The following POF1B variants were observed in gnomAD, a reference collection of about 807,000 sequenced individuals.
The protein encoded by POF1B is protein POF1B.
POF1B carries 53 observed loss-of-function variants against 55.3 expected under a neutral mutation model. The ratio of observed to expected loss-of-function variants is 0.96; its 90% CI spans 0.77 to 1.20. The LOEUF (loss-of-function observed/expected upper bound fraction) is 1.20. POF1B is among the 50% of genes most tolerant of loss of function. The pLI is 0.00. For synonymous variants in POF1B, 188 were observed against 148.3 expected (o/e 1.27, Z -1.95); for missense variants, 478 against 420.5 (o/e 1.14, Z -1.20).
chrX:85,310,948 A>G (rs1003835194), intron 9 of POF1B, among the ~76,000 whole-genome samples: 1 of 112,076 alleles, frequency 8.9e-6, no homozygotes, highest in African/African-American at 3.2e-5. Flanking sequence ...TTTAAGTACT[A>G]AAAGAAAATA....
chrX:85,296,101 A>G (rs56086918), intron 15 of POF1B, among the ~76,000 whole-genome samples: 24,080 of 111,247 alleles, frequency 0.22, 2,471 homozygotes, highest in African/African-American at 0.4. Context: ...ATCTTTCTCT[A>G]TCCCTTTACT....
intron 7 of POF1B, among the ~76,000 whole-genome samples, chrX:85,317,883 G>A (rs1452617098): frequency 9.0e-6 from 1 of 111,371 alleles, no homozygotes; most frequent in East Asian, 2.8e-4. Flanking sequence ...GGAATACTAC[G>A]TACCCATAAA....
chrX:85,304,422 C>T lies in POF1B; in HGVS notation c.1487G>A (p.Cys496Tyr), dbSNP rs1289132343. The change falls in exon 14 of 17, where the codon TGT becomes TAT. Residue 496 changes from cysteine (C) to tyrosine (Y), a missense_variant. By Grantham distance (194) the Cys-to-Tyr change is radical. Transcript: ENST00000262753. ...ATGAAGCTTAAATTGGAAGTCACTACAACTTCCTTCTCTCTTTGAAACATC... is the reference window on the plus strand; with the variant it reads ...ATGAAGCTTAAATTGGAAGTCACTATAACTTCCTTCTCTCTTTGAAACATC... ...HKDVSKREGS[C>Y]SDFQFKLHEL... The T allele has an allele frequency of 1.8e-5, 21 of 1,190,301 alleles. No individual in the cohort carries two copies. Among genetic ancestry groups the T allele is most frequent in the Non-Finnish European group, 2.4e-5 (21 of 881,769 alleles).
Position 85,379,308 on chromosome X carries a change from A to G in POF1B, c.147T>C (p.Tyr49=). Reference sequence around the variant, plus strand: ...GCCCACTGTAGGTCCTCACTCGCTCATACACTACATTTTTTTCTGGAGGCT... The same window carrying G: ...GCCCACTGTAGGTCCTCACTCGCTCGTACACTACATTTTTTTCTGGAGGCT... ...AQQPPEKNVV[Y]ERVRTYSGPM... The change falls in exon 2 of 17, where the codon TAT becomes TAC. Residue 49 remains tyrosine (Y), a synonymous_variant. Coordinates refer to ENST00000262753, the MANE Select transcript of POF1B (RefSeq NM_024921.4). 1 of 1,210,492 alleles carries G rather than the reference A, an allele frequency of 8.3e-7. No individual in the cohort carries two copies. The highest frequency in any genetic ancestry group is 1.1e-6 in the Non-Finnish European group (1 of 895,285).
At chrX:85,379,577 C>G (rs1217729033) in intron 1 of POF1B, 62 bp downstream of exon 1, 5 of 727,067 alleles carry the variant, frequency 6.9e-6, no homozygotes, top group Non-Finnish European at 9.8e-6. Context: ...ACACGACACA[C>G]GTGTGGAAAC....
intron 15 of POF1B, among the ~76,000 whole-genome samples, chrX:85,294,926 T>A (rs1188404650): frequency 1.8e-5 from 2 of 111,751 alleles, no homozygotes; most frequent in East Asian, 5.6e-4. Flanking sequence ...AGTTCAAGTT[T>A]TCACTTTCTT....
chrX:85,323,150 A>G (rs932708944), intron 7 of POF1B, among the ~76,000 whole-genome samples: 10 of 111,558 alleles, frequency 9.0e-5, no homozygotes, highest in African/African-American at 1.3e-4. Flanking sequence ...GCACACGTAC[A>G]TTTATTGCGG....
At chrX:85,284,920 T>A (rs1218425947) in intron 15 of POF1B, among the ~76,000 whole-genome samples, 1 of 111,785 alleles carries the variant, frequency 8.9e-6, no homozygotes, top group East Asian at 2.8e-4. Flanking sequence ...GACAAAGGGC[T>A]AATATACAGA....
chrX:85,291,315 C>A (rs1932182287), intron 15 of POF1B, among the ~76,000 whole-genome samples: 1 of 111,553 alleles, frequency 9.0e-6, no homozygotes, highest in Non-Finnish European at 1.9e-5. Context: ...GTACCAGTAC[C>A]ATGCTGTTTT....
chrX:85,317,517 T>C (rs915601066), intron 7 of POF1B, among the ~76,000 whole-genome samples: 1 of 110,496 alleles, frequency 9.1e-6, no homozygotes, highest in African/African-American at 3.3e-5. Context: ...TGCATTTCTC[T>C]AATGTTCAGT....
intron 10 of POF1B, 136 bp from the exon 11 acceptor site, chrX:85,307,412 A>T (rs1424875591): frequency 2.5e-6 from 1 of 406,427 alleles, no homozygotes; most frequent in Admixed American, 4.7e-5. Flanking sequence ...CAGAATTCTT[A>T]AAAGTTAAGA....
At chrX:85,307,338 A>G in intron 10 of POF1B, 62 bp from the exon 11 acceptor site, 1 of 684,129 alleles carries the variant, frequency 1.5e-6, no homozygotes, top group Non-Finnish European at 2.2e-6. Flanking sequence ...CACATAATAC[A>G]AAGACTTGCT....
intron 8 of POF1B, 83 bp from the exon 9 acceptor site, chrX:85,314,589 C>T: frequency 3.3e-6 from 2 of 615,019 alleles, no homozygotes; most frequent in Middle Eastern, 3.6e-4. Flanking sequence ...TGTAATGGGA[C>T]ATATTTTAGG....
intron 15 of POF1B, among the ~76,000 whole-genome samples, chrX:85,298,015 T>G (rs1282624985): frequency 1.8e-5 from 2 of 112,474 alleles, no homozygotes; most frequent in Non-Finnish European, 3.8e-5. Context: ...ACCATGCCTG[T>G]GGCTTTGTCC....
rs1483321195 is a variant in POF1B at position 85,278,009 on chromosome X, T to C, written c.*1412A>G. 9.0e-6 allele frequency: 1 copy of C among 111,100 alleles called. No homozygotes were observed. The highest frequency in any genetic ancestry group is 1.9e-5 in the Non-Finnish European group (1 of 52,603). 9.2% of individuals were successfully genotyped at this position (111,100 alleles called of 1,213,427 possible). A position where few individuals can be genotyped will look rare whatever the true frequency, so the allele number is the denominator to read the frequency against. On this transcript the variant is annotated 3_prime_UTR_variant, in exon 17 of 17. Transcript: ENST00000262753. ...CATGAATAATATTAACATTTTTCTA[T>C]CACAAAATATTGATAAAATTGGAAT... is the stretch of plus-strand genomic sequence containing the variant.
intron 6 of POF1B, among the ~76,000 whole-genome samples, chrX:85,343,317 A>G (rs1165159108): frequency 1.8e-5 from 2 of 111,290 alleles, no homozygotes; most frequent in Non-Finnish European, 3.8e-5. Context: ...AAAGTGATAC[A>G]TTAGTTACCC....
chrX:85,357,873 T>C (rs916278433), intron 4 of POF1B, among the ~76,000 whole-genome samples: 3 of 110,990 alleles, frequency 2.7e-5, no homozygotes, highest in Admixed American at 9.6e-5. Context: ...TGCCTGTTAG[T>C]TAAAAATGCA....
chrX:85,354,693 A>T (rs1000720924), intron 4 of POF1B, among the ~76,000 whole-genome samples: 1 of 110,816 alleles, frequency 9.0e-6, no homozygotes, highest in Non-Finnish European at 1.9e-5. Flanking sequence ...ATCATGAGTG[A>T]ACTCCCATTC....
intron 3 of POF1B, among the ~76,000 whole-genome samples, chrX:85,363,360 C>T (rs775930103): frequency 1.8e-5 from 2 of 110,527 alleles, no homozygotes; most frequent in Admixed American, 1.9e-4. Context: ...TGAGGTCTTT[C>T]TAACTTCTGG....
Sources: gnomAD v4.1 joint callset for allele counts (sites outside exome capture counted in the v4.1 genomes callset) on GRCh38, gnomAD v4.1.1 for gene constraint, MANE v1.5 for transcripts, NCBI Gene and HGNC (gene_info 2026-07-23, HGNC 2026-07-21) for gene names.